Variants in ANXA3 observed in about 807,000 individuals in gnomAD.
ANXA3 encodes the protein 35-alpha calcimedin.
ANXA3 carries 46 observed loss-of-function variants against 48.8 expected under a neutral mutation model. That is an observed-to-expected ratio of 0.94 (90% confidence interval 0.74 to 1.21). ANXA3 has a LOEUF of 1.21. ANXA3 is among the 50% of genes most tolerant of loss of function. The pLI is 0.00. For missense variants in ANXA3, 383 were observed against 378.6 expected, an observed-to-expected ratio of 1.01 and a Z score of -0.10; for synonymous variants, 128 against 134.7, an observed-to-expected ratio of 0.95 and a Z score of 0.35.
At chr4:78,600,582 G>A (rs1445198482) in intron 10 of ANXA3, among the ~76,000 whole-genome samples, 1 of 152,118 alleles carries the variant, frequency 6.6e-6, no homozygotes. Flanking sequence ...CTGTGTTTGG[G>A]TTTCTAATAC....
chr4:78,578,888 T>TA (rs1355973434), intron 3 of ANXA3, 139 bp from the exon 4 acceptor site: 7 of 347,530 alleles, frequency 2.0e-5, no homozygotes, highest in Admixed American at 9.5e-5. Flanking sequence ...AATAAATAAA[T>TA]AAAATTCCAA....
At chr4:78,608,907 C>T (rs147842007) in intron 12 of ANXA3, among the ~76,000 whole-genome samples, 169 of 152,172 alleles carry the variant, frequency 1.1e-3, no homozygotes, top group African/African-American at 3.6e-3. Flanking sequence ...ACTGGTAGAA[C>T]GCCTAATTGT....
intron 12 of ANXA3, 106 bp downstream of exon 12, chr4:78,604,505 TC>T: frequency 1.1e-6 from 1 of 940,100 alleles, no homozygotes; most frequent in Non-Finnish European, 1.5e-6. Flanking sequence ...GATTTCTCTC[TC>T]CTTGTCAATG....
Position 78,601,415 on chromosome 4 carries a change from C to T in ANXA3, c.731-95C>T, listed in dbSNP as rs143884665. On this transcript the variant is annotated intron_variant, in intron 10 of 12. Coordinates refer to ENST00000264908, the MANE Select transcript of ANXA3 (RefSeq NM_005139.3). ...GTGGGGAGGGGATAGAGTGGTATGA[C>T]AGTCCAAAGAATCTTTTTAAAAAAC... 965 of 1,142,128 alleles carry T rather than the reference C, an allele frequency of 8.4e-4. 8 individuals carry two copies. The African/African-American group carries it at 0.013, about 16-fold the overall frequency. 70.7% of individuals were successfully genotyped at this position (1,142,128 alleles called of 1,614,324 possible).
chr4:78,560,649 G>A (rs572107535), intron 2 of ANXA3, among the ~76,000 whole-genome samples: 2 of 152,314 alleles, frequency 1.3e-5, no homozygotes, highest in South Asian at 4.1e-4. Context: ...TCAATATCCA[G>A]CCCCTCTTTC....
At chr4:78,605,060 C>T (rs1723620225) in intron 12 of ANXA3, among the ~76,000 whole-genome samples, 2 of 152,154 alleles carry the variant, frequency 1.3e-5, no homozygotes, top group Non-Finnish European at 2.9e-5. Context: ...TTTGCAATTC[C>T]ATGAGGAATG....
intron 5 of ANXA3, 28 bp downstream of exon 5, chr4:78,582,318 C>T: frequency 6.7e-7 from 1 of 1,498,386 alleles, no homozygotes; most frequent in Admixed American, 1.7e-5. Context: ...GCCATTTCTG[C>T]CCAGGGTTTG....
At chr4:78,601,428 CT>C (rs1560451495) in intron 10 of ANXA3, 81 bp from the exon 11 acceptor site, 4 of 1,344,654 alleles carry the variant, frequency 3.0e-6, no homozygotes, top group South Asian at 1.2e-5. Context: ...TCCAAAGAAT[CT>C]TTTTAAAAAA....
At position 78,551,867 on chromosome 4, in the gene ANXA3, C is replaced by T. The variant is rs1722392104; in HGVS notation, c.-39+8C>T. ...TCCCCCACCGCGCTTTGGGTAAGTTCAGCCTCCCGGCGCGTCCCCGCGAGC... is the reference window on the plus strand; with the variant it reads ...TCCCCCACCGCGCTTTGGGTAAGTTTAGCCTCCCGGCGCGTCCCCGCGAGC... On this transcript the variant is annotated splice_region_variant and intron_variant, in intron 1 of 12. Transcript: ENST00000264908. 6.6e-6 allele frequency: 1 copy of T among 152,322 alleles called. No individual in the cohort carries two copies. Among genetic ancestry groups the T allele is most frequent in the Admixed American group, 6.5e-5 (1 of 15,294 alleles). The allele number at this position is 152,322 out of a possible 1,614,324, so 9.4% of individuals were successfully genotyped here. A position where few individuals can be genotyped will look rare whatever the true frequency, so the allele number is the denominator to read the frequency against.
chr4:78,593,560 G>C lies in ANXA3; in HGVS notation c.484-1821G>C, dbSNP rs934265332. 1.1e-3 allele frequency among the ~76,000 whole-genome samples: 170 copies of C among 150,862 alleles called. 2 individuals are homozygous for C. The highest frequency in any genetic ancestry group is 3.9e-4 in the East Asian group (2 of 5,162). The stretch of plus-strand genomic sequence containing the variant: ...TTTTTAGAGCAGCTTCAGATTTATG[G>C]AAAAATTGAGCAGAAAGTACAGAGA... On this transcript the variant is annotated intron_variant, in intron 7 of 12. Transcript: ENST00000264908.
chr4:78,591,495 C>T, intron 6 of ANXA3, 49 bp from the exon 7 acceptor site: 3 of 1,272,512 alleles, frequency 2.4e-6, no homozygotes, highest in Non-Finnish European at 3.4e-6. Flanking sequence ...GTTTTATAAT[C>T]ATATTTTTCA....
rs567557239 is a variant in ANXA3, at chr4:78,583,462, A to C, written c.312+1172A>C. On this transcript the variant is annotated intron_variant, in intron 5 of 12. Transcript: ENST00000264908. Reference sequence around the variant, plus strand: ...CATAGTGAGAACTTGTCTCTACAAAAAATTTTTAAAAATTAGCCAGGCATG... The same window carrying C: ...CATAGTGAGAACTTGTCTCTACAAACAATTTTTAAAAATTAGCCAGGCATG... Among the ~76,000 whole-genome samples the C allele has an allele frequency of 1.7e-3, 252 of 151,396 alleles. 2 individuals carry two copies. Among genetic ancestry groups the C allele is most frequent in the African/African-American group, 5.9e-3 (245 of 41,220 alleles).
At chr4:78,597,463 C>T in intron 10 of ANXA3, 49 bp downstream of exon 10, 1 of 1,284,628 alleles carries the variant, frequency 7.8e-7, no homozygotes, top group South Asian at 1.2e-5. Context: ...CTTGCTTTAA[C>T]TCAGTGCCGA....
chr4:78,588,468 GT>G (rs1723224570), intron 6 of ANXA3, among the ~76,000 whole-genome samples: 1 of 152,206 alleles, frequency 6.6e-6, no homozygotes, highest in African/African-American at 2.4e-5. Context: ...ATTCATGCAG[GT>G]TATAACCCCC....
chr4:78,584,778 T>C (rs1560446626), intron 5 of ANXA3, among the ~76,000 whole-genome samples: 1 of 152,128 alleles, frequency 6.6e-6, no homozygotes, highest in Non-Finnish European at 1.5e-5. Flanking sequence ...GTACAGGAGA[T>C]TTATTTTGAG....
At chr4:78,558,138 A>G (rs1722555259) in intron 2 of ANXA3, among the ~76,000 whole-genome samples, 1 of 152,248 alleles carries the variant, frequency 6.6e-6, no homozygotes, top group Non-Finnish European at 1.5e-5. Context: ...AGCCAGTCCC[A>G]AAGAGACAAA....
chr4:78,576,808 G>T (rs1158820612), intron 3 of ANXA3, among the ~76,000 whole-genome samples: 1 of 152,150 alleles, frequency 6.6e-6, no homozygotes, highest in African/African-American at 2.4e-5. Flanking sequence ...TTGCATTAGG[G>T]ATGGGTCAGA....
intron 10 of ANXA3, among the ~76,000 whole-genome samples, chr4:78,598,888 G>A (rs1203650602): frequency 6.6e-6 from 1 of 151,888 alleles, no homozygotes; most frequent in Admixed American, 6.6e-5. Flanking sequence ...TTCATTTGGT[G>A]TTCTTGCTAA....
At chr4:78,574,343 C>G (rs183129042) in intron 3 of ANXA3, among the ~76,000 whole-genome samples, 1 of 152,108 alleles carries the variant, frequency 6.6e-6, no homozygotes, top group African/African-American at 2.4e-5. Flanking sequence ...TACTTTGAGC[C>G]AGGGAGGTTG....
Sources: allele counts gnomAD v4.1 joint callset (sites outside exome capture counted in the v4.1 genomes callset), GRCh38; gene constraint gnomAD v4.1.1; transcripts MANE v1.5; gene names NCBI Gene and HGNC (gene_info 2026-07-23, HGNC 2026-07-21).